ATP8B4: variants seen among roughly 807,000 people sequenced by gnomAD.
The protein encoded by ATP8B4 is probable phospholipid-transporting ATPase IM.
In ATP8B4, 133 loss-of-function variants were observed where a neutral mutation model predicts 145.6. The ratio of observed to expected loss-of-function variants is 0.91; its 90% CI spans 0.79 to 1.05. The LOEUF (loss-of-function observed/expected upper bound fraction) is 1.05, where lower values mean the gene tolerates loss of function less well. Ranked by LOEUF, ATP8B4 falls within the 50% of genes least tolerant of loss-of-function variation. The probability of loss-of-function intolerance (pLI) is 0.00; values close to 1 mark genes in which losing one functional copy is unlikely to be tolerated. For missense variants in ATP8B4, 1,458 were observed against 1,425.2 expected (o/e 1.02, Z -0.37); for synonymous variants, 507 against 492.9 (o/e 1.03, Z -0.38).
chr15:50,139,426 G>C (rs1320996154), intron 1 of ATP8B4, among the ~76,000 whole-genome samples: 2 of 152,100 alleles, frequency 1.3e-5, no homozygotes, highest in Admixed American at 1.3e-4. Flanking sequence ...TCATACACCA[G>C]GGCCTGTCGG....
chr15:49,943,961 AG>A (rs1477390624), intron 14 of ATP8B4, among the ~76,000 whole-genome samples: 1 of 152,252 alleles, frequency 6.6e-6, no homozygotes, highest in African/African-American at 2.4e-5. Flanking sequence ...GACATTTAAA[AG>A]TATAGCATTT....
At chr15:50,129,536 T>C (rs569617297) in intron 1 of ATP8B4, among the ~76,000 whole-genome samples, 1 of 152,268 alleles carries the variant, frequency 6.6e-6, no homozygotes, top group South Asian at 2.1e-4. Flanking sequence ...GGCCCTCTTA[T>C]CAGGACATGA....
chr15:50,176,589 T>TTGTG (rs767982476), intron 1 of ATP8B4, among the ~76,000 whole-genome samples: 3 of 152,032 alleles, frequency 2.0e-5, no homozygotes, highest in South Asian at 2.1e-4. Context: ...AAAGAGTACA[T>TTGTG]TGTGACTGGG....
intron 1 of ATP8B4, among the ~76,000 whole-genome samples, chr15:50,164,865 C>T (rs1263766580): frequency 6.6e-6 from 1 of 152,160 alleles, no homozygotes; most frequent in Non-Finnish European, 1.5e-5. Context: ...ATGTTGCTTT[C>T]CATTGTGAAA....
chr15:49,863,589 G>GC (rs2032246665), intron 26 of ATP8B4, among the ~76,000 whole-genome samples: 1 of 152,158 alleles, frequency 6.6e-6, no homozygotes, highest in Non-Finnish European at 1.5e-5. Flanking sequence ...TGGGTATGAG[G>GC]GCTTGGCTAC....
chr15:49,972,072 T>G (rs1328215708), intron 13 of ATP8B4, among the ~76,000 whole-genome samples: 1 of 151,776 alleles, frequency 6.6e-6, no homozygotes, highest in East Asian at 1.9e-4. Flanking sequence ...AACTGAACAA[T>G]GAGAACACAT....
chr15:50,127,070 C>T (rs987056311), intron 1 of ATP8B4, among the ~76,000 whole-genome samples: 6 of 152,204 alleles, frequency 3.9e-5, no homozygotes, highest in Non-Finnish European at 7.3e-5. Flanking sequence ...AATCGCAGAT[C>T]GGGAAATCTT....
At position 49,923,380 on chromosome 15, in the gene ATP8B4, C is replaced by T; in HGVS notation, c.1757G>A (p.Ser586Asn). 1 of 1,602,978 alleles carries T rather than the reference C, an allele frequency of 6.2e-7. No homozygotes were observed. Among genetic ancestry groups the T allele is most frequent in the Non-Finnish European group, 8.5e-7 (1 of 1,170,242 alleles). ...VLLSLTSDHL[S>N]EFAGEGLRTL... ...TAACCTTAAGACGGAGGCACTTACACTGAGGTGGTCTGACGTCAAAGACAA... is the reference window on the plus strand; with the variant it reads ...TAACCTTAAGACGGAGGCACTTACATTGAGGTGGTCTGACGTCAAAGACAA... The change falls in exon 17 of 28, where the codon AGT (serine) becomes AAT (asparagine). Residue 586 changes from serine (S) to asparagine (N), a missense_variant and splice_region_variant. Ser to Asn is a conservative substitution (Grantham distance 46, BLOSUM62 1). Transcript: ENST00000284509.
chr15:49,982,239 C>G (rs1478290981), intron 10 of ATP8B4, among the ~76,000 whole-genome samples: 2 of 152,034 alleles, frequency 1.3e-5, no homozygotes, highest in Non-Finnish European at 2.9e-5. Context: ...AAAGACTTTT[C>G]TTTATGTAAA....
chr15:50,098,516 T>C (rs2056140004), intron 2 of ATP8B4, among the ~76,000 whole-genome samples: 1 of 151,792 alleles, frequency 6.6e-6, no homozygotes, highest in Non-Finnish European at 1.5e-5. Flanking sequence ...ACTCCTGGCC[T>C]CAAGTGATCC....
chr15:49,866,314 C>T, intron 26 of ATP8B4, 32 bp downstream of exon 26: 1 of 1,606,512 alleles, frequency 6.2e-7, no homozygotes, highest in Non-Finnish European at 8.5e-7. Context: ...GCAGCAGACA[C>T]TAGGTTCCAC....
chr15:50,025,881 T>C (rs1366444564), intron 6 of ATP8B4, among the ~76,000 whole-genome samples: 1 of 152,206 alleles, frequency 6.6e-6, no homozygotes, highest in Non-Finnish European at 1.5e-5. Context: ...GAGACCATTA[T>C]GATACTATGT....
chr15:50,096,258 C>T (rs979260437), intron 2 of ATP8B4, among the ~76,000 whole-genome samples: 1 of 152,090 alleles, frequency 6.6e-6, no homozygotes, highest in Non-Finnish European at 1.5e-5. Flanking sequence ...AGAGAATAGC[C>T]GCTCTCCCCT....
At chr15:49,952,260 T>G (rs1567063808) in intron 14 of ATP8B4, among the ~76,000 whole-genome samples, 1 of 152,216 alleles carries the variant, frequency 6.6e-6, no homozygotes. Flanking sequence ...GTTAGGGAAG[T>G]TCTCCTGGAT....
intron 1 of ATP8B4, among the ~76,000 whole-genome samples, chr15:50,179,055 A>G (rs1317561765): frequency 1.3e-5 from 2 of 152,228 alleles, no homozygotes; most frequent in Non-Finnish European, 2.9e-5. Context: ...AGAACAAGCC[A>G]GTAGAAAGAG....
chr15:49,966,148 G>A (rs2044518133), intron 13 of ATP8B4, among the ~76,000 whole-genome samples: 1 of 152,212 alleles, frequency 6.6e-6, no homozygotes, highest in African/African-American at 2.4e-5. Flanking sequence ...TCCCGCAGGT[G>A]CCTACACCAC....
intron 14 of ATP8B4, among the ~76,000 whole-genome samples, chr15:49,944,969 CA>C (rs1470174076): frequency 2.0e-5 from 3 of 151,888 alleles, no homozygotes; most frequent in African/African-American, 4.8e-5. Flanking sequence ...GCCACTGGCT[CA>C]AAAAAGAAAT....
At chr15:50,019,883 T>C (rs1213641853) in intron 6 of ATP8B4, among the ~76,000 whole-genome samples, 5 of 152,174 alleles carry the variant, frequency 3.3e-5, no homozygotes, top group Admixed American at 1.3e-4. Context: ...CTTTTGCCCA[T>C]CTTCAAACTT....
intron 2 of ATP8B4, among the ~76,000 whole-genome samples, chr15:50,080,639 C>T (rs2054482842): frequency 6.6e-6 from 1 of 151,824 alleles, no homozygotes; most frequent in African/African-American, 2.4e-5. Context: ...CACTATGTTG[C>T]TTAGGCTGGT....
Sources: gnomAD v4.1 joint callset for allele counts (sites outside exome capture counted in the v4.1 genomes callset) on GRCh38, gnomAD v4.1.1 for gene constraint, MANE v1.5 for transcripts, NCBI Gene and HGNC (gene_info 2026-07-23, HGNC 2026-07-21) for gene names.